TENM4: variants seen among roughly 807,000 people sequenced by gnomAD.
TENM4 encodes teneurin-4.
A neutral mutation model predicts 243.3 loss-of-function variants in TENM4; 82 were observed. The observed-to-expected ratio is 0.34, with a 90% confidence interval of 0.28 to 0.40. The LOEUF is 0.40. TENM4 is among the 10% of genes least tolerant of loss of function. The pLI is 1.00. For synonymous variants in TENM4, 1,412 were observed against 1,456.3 expected (o/e 0.97, Z 0.69); for missense variants, 3,138 against 3,673.3 (o/e 0.85, Z 3.77).
At chr11:78,860,626 G>A (rs1371443299) in intron 10 of TENM4, among the ~76,000 whole-genome samples, 1 of 152,138 alleles carries the variant, frequency 6.6e-6, no homozygotes, top group Non-Finnish European at 1.5e-5. Flanking sequence ...CATACACTGA[G>A]TAGACATTGG....
intron 3 of TENM4, among the ~76,000 whole-genome samples, chr11:79,163,263 G>C (rs770441681): frequency 6.6e-6 from 1 of 151,976 alleles, no homozygotes; most frequent in Admixed American, 6.5e-5. Context: ...GTTGCTTCAC[G>C]TTTGTATGAA....
chr11:78,826,584 C>T (rs1358150341), intron 12 of TENM4, among the ~76,000 whole-genome samples: 3 of 152,038 alleles, frequency 2.0e-5, no homozygotes, highest in Non-Finnish European at 4.4e-5. Flanking sequence ...CAGGCCTGCC[C>T]CTTTGTGATG....
At chr11:79,063,707 T>C (rs1277145334) in intron 6 of TENM4, among the ~76,000 whole-genome samples, 6 of 152,308 alleles carry the variant, frequency 3.9e-5, no homozygotes, top group Non-Finnish European at 1.5e-5. Context: ...CTCAGAATTC[T>C]GCCAGCAAGG....
intron 18 of TENM4, among the ~76,000 whole-genome samples, chr11:78,761,450 A>C (rs1856429241): frequency 6.6e-6 from 1 of 152,020 alleles, no homozygotes; most frequent in Admixed American, 6.5e-5. Context: ...CGTGTTAGCC[A>C]GGATGGTCTC....
At chr11:79,305,253 C>T (rs1161138086) in intron 1 of TENM4, among the ~76,000 whole-genome samples, 1 of 152,174 alleles carries the variant, frequency 6.6e-6, no homozygotes, top group East Asian at 1.9e-4. Flanking sequence ...TCTTTATCTG[C>T]AAAGTGAAGA....
At chr11:78,902,599 T>G (rs987706678) in intron 7 of TENM4, among the ~76,000 whole-genome samples, 1 of 152,238 alleles carries the variant, frequency 6.6e-6, no homozygotes, top group African/African-American at 2.4e-5. Flanking sequence ...GATTCTCAGC[T>G]TCCAAATTCC....
At chr11:78,918,334 A>G (rs1373480366) in intron 6 of TENM4, among the ~76,000 whole-genome samples, 1 of 151,946 alleles carries the variant, frequency 6.6e-6, no homozygotes, top group East Asian at 1.9e-4. Context: ...CGCTAACTTT[A>G]TTTCAATACA....
At chr11:79,185,824 C>T (rs1863371287) in intron 3 of TENM4, among the ~76,000 whole-genome samples, 1 of 152,122 alleles carries the variant, frequency 6.6e-6, no homozygotes, top group African/African-American at 2.4e-5. Flanking sequence ...TTCAAAATTC[C>T]TTCTGATATA....
intron 6 of TENM4, among the ~76,000 whole-genome samples, chr11:79,032,272 G>A (rs1012945087): frequency 2.6e-5 from 4 of 152,138 alleles, no homozygotes; most frequent in African/African-American, 9.7e-5. Flanking sequence ...CTGAGGCGGG[G>A]GGCACCAGGC....
intron 6 of TENM4, among the ~76,000 whole-genome samples, chr11:79,047,686 G>C (rs1859692283): frequency 6.6e-6 from 1 of 152,196 alleles, no homozygotes; most frequent in Non-Finnish European, 1.5e-5. Context: ...GCCTAGGGTA[G>C]TGGGAGGATG....
chr11:79,402,442 T>C lies in TENM4; in HGVS notation c.-321+38067A>G, dbSNP rs138842347. The stretch of plus-strand genomic sequence containing the variant: ...TACAACAATATGCTTGTAAATTCAC[T>C]TTTGCATTGCTGGAAAAAATACACT... On this transcript the variant is annotated intron_variant, in intron 1 of 33. Transcript: ENST00000278550. Among the ~76,000 whole-genome samples the C allele has an allele frequency of 1.5e-3, 226 of 152,334 alleles. 1 individual carries two copies. Among genetic ancestry groups the C allele is most frequent in the African/African-American group, 5.1e-3 (211 of 41,580 alleles).
At chr11:79,075,027 G>C (rs1860504584) in intron 4 of TENM4, among the ~76,000 whole-genome samples, 1 of 152,184 alleles carries the variant, frequency 6.6e-6, no homozygotes, top group African/African-American at 2.4e-5. Context: ...TTCCTGTTAG[G>C]ATCCTGACCA....
intron 3 of TENM4, among the ~76,000 whole-genome samples, chr11:79,213,524 G>C (rs1414969950): frequency 6.6e-6 from 1 of 152,242 alleles, no homozygotes; most frequent in Non-Finnish European, 1.5e-5. Flanking sequence ...CATCCTGCTA[G>C]ACTCAGATTC....
chr11:79,332,733 C>A (rs181628378), intron 1 of TENM4, among the ~76,000 whole-genome samples: 2 of 152,178 alleles, frequency 1.3e-5, no homozygotes, highest in Admixed American at 6.5e-5. Context: ...ATGATCATTA[C>A]AAATTACTGA....
intron 1 of TENM4, among the ~76,000 whole-genome samples, chr11:79,345,440 A>C (rs1233368336): frequency 6.6e-6 from 1 of 152,230 alleles, no homozygotes; most frequent in East Asian, 1.9e-4. Flanking sequence ...AAAAATTAAC[A>C]TCAACAAAGT....
intron 6 of TENM4, among the ~76,000 whole-genome samples, chr11:78,968,463 T>G (rs765631216): frequency 6.6e-6 from 1 of 152,150 alleles, no homozygotes; most frequent in Non-Finnish European, 1.5e-5. Flanking sequence ...TTTTTGTATT[T>G]TGGGGACAGA....
chr11:79,372,648 C>A (rs1857810433), intron 1 of TENM4, among the ~76,000 whole-genome samples: 1 of 152,126 alleles, frequency 6.6e-6, no homozygotes, highest in African/African-American at 2.4e-5. Flanking sequence ...GTGGACAAGT[C>A]ATTTGACTTC....
In TENM4 at chr11:78,668,954, A is replaced by G. The variant is rs766726011; in HGVS notation, c.7391T>C (p.Ile2464Thr). 1.2e-6 allele frequency: 2 copies of G among 1,613,032 alleles called. No homozygotes were observed. The highest frequency in any genetic ancestry group is 1.1e-5 in the South Asian group (1 of 91,034). The change falls in exon 32 of 34, where the codon ATC becomes ACC. Residue 2464 changes from isoleucine to threonine, a missense_variant. Transcript: ENST00000278550. Reference protein sequence around the residue: ...NNNPISNSQDIKCFMTDVNSW... With the variant: ...NNNPISNSQDTKCFMTDVNSW... ...GTCCTTACCTGTCATGAAGCACTTG[A>G]TGTCCTGGGAGTTGCTGATGGGGTT...
intron 6 of TENM4, among the ~76,000 whole-genome samples, chr11:78,993,106 C>G (rs757647974): frequency 6.6e-6 from 1 of 151,916 alleles, no homozygotes; most frequent in East Asian, 1.9e-4. Flanking sequence ...TGTGATATGC[C>G]GTGATAGCCT....
Sources: gnomAD v4.1 joint callset for allele counts (sites outside exome capture counted in the v4.1 genomes callset) on GRCh38, gnomAD v4.1.1 for gene constraint, MANE v1.5 for transcripts, NCBI Gene and HGNC (gene_info 2026-07-23, HGNC 2026-07-21) for gene names.